NGEF: variants seen among roughly 807,000 people sequenced by gnomAD.
NGEF encodes ephexin-1.
In NGEF, 31 loss-of-function variants were observed where a neutral mutation model predicts 80.9. That is an observed-to-expected ratio of 0.38 (90% CI 0.29 to 0.52). The LOEUF (loss-of-function observed/expected upper bound fraction) is 0.52, where lower values mean the gene tolerates loss of function less well. NGEF is among the 20% of genes least tolerant of loss of function. The probability of loss-of-function intolerance (pLI) is 0.84; values close to 1 mark genes in which losing one functional copy is unlikely to be tolerated. For missense variants in NGEF, 709 were observed against 926.2 expected, an observed-to-expected ratio of 0.77 and a Z score of 3.04; for synonymous variants, 371 against 370.2, an observed-to-expected ratio of 1.00 and a Z score of -0.03.
intron 5 of NGEF, among the ~76,000 whole-genome samples, chr2:232,911,198 TTAA>T: frequency 6.6e-6 from 1 of 152,278 alleles, no homozygotes; most frequent in Non-Finnish European, 1.5e-5. Context: ...TAGGTTGAGG[TTAA>T]TGTTTTTGCA....
intron 3 of NGEF, 85 bp from the exon 4 acceptor site, chr2:232,927,271 C>A: frequency 2.8e-6 from 4 of 1,417,560 alleles, no homozygotes; most frequent in African/African-American, 1.5e-5. Flanking sequence ...TGCGCACAGG[C>A]GGCTGCTAGC....
intron 3 of NGEF, among the ~76,000 whole-genome samples, chr2:232,953,055 G>A (rs1416604464): frequency 4.0e-5 from 6 of 148,498 alleles, no homozygotes; most frequent in African/African-American, 1.5e-4. Context: ...TGTAATCCCA[G>A]CACTTTGGGA....
chr2:232,884,256 CATG>C lies in NGEF; in HGVS notation c.1438-115_1438-113del, dbSNP rs2106215085. On this transcript the variant is annotated intron_variant, in intron 10 of 14. Coordinates refer to ENST00000264051, the MANE Select transcript of NGEF (RefSeq NM_019850.3). ...CTGACACCTGCCCAGGGCCCCGACA[CATG>C]AGGCACAAGTTGGGGGGAAAGGCCG... The C allele has an allele frequency of 5.6e-6, 7 of 1,243,176 alleles. No homozygotes were observed. The South Asian group carries it at 9.7e-5, about 17-fold the overall frequency. The allele number at this position is 1,243,176 out of a possible 1,614,324, so 77.0% of individuals were successfully genotyped here.
At chr2:232,971,731 G>T (rs1574645906) in intron 2 of NGEF, among the ~76,000 whole-genome samples, 1 of 152,282 alleles carries the variant, frequency 6.6e-6, no homozygotes, top group Non-Finnish European at 1.5e-5. Flanking sequence ...AAACATTTAT[G>T]GCTGGACATA....
At chr2:232,890,096 G>T (rs1319100220) in intron 8 of NGEF, among the ~76,000 whole-genome samples, 5 of 149,018 alleles carry the variant, frequency 3.4e-5, no homozygotes, top group African/African-American at 9.9e-5. Context: ...TGCCTCACTG[G>T]GTTGTCAGGC....
rs73995718 is a variant in NGEF at position 232,903,269 on chromosome 2, G to A, written c.829-8353C>T. Among the ~76,000 whole-genome samples the A allele has an allele frequency of 6.1e-3, 922 of 152,266 alleles. 8 individuals are homozygous for A. Among genetic ancestry groups the A allele is most frequent in the African/African-American group, 0.021 (863 of 41,530 alleles). On this transcript the variant is annotated intron_variant, in intron 5 of 14. Transcript: ENST00000264051. ...GCTGCAATGAACACTCTCAGTACCC[G>A]GTATTTCCAACTGCAAATATCCATC...
chr2:232,938,589 G>C (rs1345167304), intron 3 of NGEF, among the ~76,000 whole-genome samples: 2 of 151,990 alleles, frequency 1.3e-5, no homozygotes, highest in Non-Finnish European at 2.9e-5. Flanking sequence ...GAAGCAAGGG[G>C]CACCTAAGGG....
chr2:232,888,409 T>TGCATGCACACAC (rs1474253450), intron 8 of NGEF, among the ~76,000 whole-genome samples: 1 of 148,032 alleles, frequency 6.8e-6, no homozygotes, highest in East Asian at 1.9e-4. Flanking sequence ...CGTGCACACA[T>TGCATGCACACAC]GCATGCACAC....
intron 5 of NGEF, among the ~76,000 whole-genome samples, chr2:232,900,274 T>TCA (rs61726497): frequency 5.7e-5 from 5 of 87,298 alleles, no homozygotes; most frequent in African/African-American, 8.2e-5. Context: ...TCACTCACAT[T>TCA]CACACACACA....
chr2:232,948,147 ATGTGTGTGTGTGTGTG>A (rs375640068), intron 3 of NGEF, among the ~76,000 whole-genome samples: 3 of 141,570 alleles, frequency 2.1e-5, no homozygotes, highest in Admixed American at 7.1e-5. Context: ...TAGCCTGGAG[ATGTGTGTGTGTGTGTG>A]TGTGTGTGTG....
chr2:232,987,317 C>T (rs1034285790), intron 1 of NGEF, among the ~76,000 whole-genome samples: 2 of 152,198 alleles, frequency 1.3e-5, no homozygotes, highest in Admixed American at 1.3e-4. Flanking sequence ...CGTGCCTGGC[C>T]AGAGCAGGAC....
intron 1 of NGEF, among the ~76,000 whole-genome samples, chr2:232,985,695 G>C (rs1694519024): frequency 6.6e-6 from 1 of 152,188 alleles, no homozygotes; most frequent in African/African-American, 2.4e-5. Flanking sequence ...GGAGCTTGCA[G>C]TGAGCAGAGA....
intron 1 of NGEF, among the ~76,000 whole-genome samples, chr2:232,996,380 T>C (rs1355709160): frequency 6.6e-6 from 1 of 151,996 alleles, no homozygotes; most frequent in African/African-American, 2.4e-5. Context: ...ACCGACCAAT[T>C]GCTGGGAAAT....
At chr2:232,881,800 C>A (rs1691513987) in intron 13 of NGEF, among the ~76,000 whole-genome samples, 1 of 152,200 alleles carries the variant, frequency 6.6e-6, no homozygotes, top group Non-Finnish European at 1.5e-5. Context: ...TTGTCTCGAG[C>A]TCCTGACCTC....
At chr2:232,946,588 G>A (rs1693564984) in intron 3 of NGEF, among the ~76,000 whole-genome samples, 1 of 152,216 alleles carries the variant, frequency 6.6e-6, no homozygotes, top group Non-Finnish European at 1.5e-5. Context: ...TAGAAGCAGT[G>A]ACCTACCAGT....
chr2:232,946,114 A>G (rs933997238), intron 3 of NGEF, among the ~76,000 whole-genome samples: 3 of 151,850 alleles, frequency 2.0e-5, no homozygotes, highest in Non-Finnish European at 2.9e-5. Context: ...ATAAAAAGGA[A>G]TGAATTAATG....
intron 9 of NGEF, among the ~76,000 whole-genome samples, chr2:232,886,013 A>G (rs1458663398): frequency 1.3e-5 from 2 of 152,134 alleles, no homozygotes; most frequent in Non-Finnish European, 2.9e-5. Flanking sequence ...AGAGGCAGGG[A>G]CTCCACCTGC....
At position 232,893,011 on chromosome 2, in the gene NGEF, G is replaced by A. The variant is rs146885458; in HGVS notation, c.1029C>T (p.Ile343=). The stretch of plus-strand genomic sequence containing the variant: ...CAATGTCACACACGTCAGAGATGAC[G>A]ATGTTCTCCTCCATCCGGTGCTCCA... The part of the protein sequence containing the change: ...LELEHRMEEN[I]VISDVCDIVY... The change falls in exon 7 of 15, where the codon ATC becomes ATT. Residue 343 remains isoleucine (I), a synonymous_variant. Coordinates refer to ENST00000264051, the MANE Select transcript of NGEF (RefSeq NM_019850.3). The A allele has an allele frequency of 6.8e-6, 11 of 1,613,374 alleles. No individual in the cohort carries two copies. Among genetic ancestry groups the A allele is most frequent in the Admixed American group, 1.7e-5 (1 of 60,030 alleles).
chr2:232,882,495 C>T (rs1691536243), intron 12 of NGEF, among the ~76,000 whole-genome samples: 1 of 152,240 alleles, frequency 6.6e-6, no homozygotes, highest in Non-Finnish European at 1.5e-5. Context: ...ATGATGTTCC[C>T]CTGTGATGCT....
Sources: allele counts gnomAD v4.1 joint callset (sites outside exome capture counted in the v4.1 genomes callset), GRCh38; gene constraint gnomAD v4.1.1; transcripts MANE v1.5; gene names NCBI Gene and HGNC (gene_info 2026-07-23, HGNC 2026-07-21).